RALYL: variants seen among roughly 807,000 people sequenced by gnomAD.
The protein encoded by RALYL is RNA-binding Raly-like protein.
A neutral mutation model predicts 35.1 loss-of-function variants in RALYL; 29 were observed. The observed-to-expected ratio is 0.83, with a 90% confidence interval of 0.61 to 1.13. The LOEUF (loss-of-function observed/expected upper bound fraction) is 1.13, where lower values mean the gene tolerates loss of function less well. RALYL is among the 50% of genes most tolerant of loss of function. The pLI is 0.00. For synonymous variants in RALYL, 120 were observed against 127.6 expected, an observed-to-expected ratio of 0.94 and a Z score of 0.40; for missense variants, 359 against 360.4, an observed-to-expected ratio of 1.00 and a Z score of 0.03.
chr8:84,311,262 A>G (rs913135238), intron 1 of RALYL, among the ~76,000 whole-genome samples: 6 of 151,766 alleles, frequency 4.0e-5, no homozygotes, highest in South Asian at 2.1e-4. Context: ...CATTATCACC[A>G]CTACTGTTTA....
chr8:84,340,312 C>T (rs1273762786), intron 1 of RALYL, among the ~76,000 whole-genome samples: 1 of 152,074 alleles, frequency 6.6e-6, no homozygotes, highest in East Asian at 1.9e-4. Context: ...GTAAGATCTA[C>T]TCACTTGATT....
chr8:84,646,638 C>T (rs573164613), intron 2 of RALYL, among the ~76,000 whole-genome samples: 16 of 152,118 alleles, frequency 1.1e-4, no homozygotes, highest in South Asian at 2.1e-4. Flanking sequence ...TTCAGTTCAG[C>T]CCAAATCTGT....
chr8:84,526,571 C>T (rs984307318), intron 1 of RALYL, among the ~76,000 whole-genome samples: 4 of 152,260 alleles, frequency 2.6e-5, no homozygotes, highest in South Asian at 4.2e-4. Flanking sequence ...GAAATTATAG[C>T]GTTTGCATAC....
chr8:84,408,291 C>T (rs949633064), intron 1 of RALYL, among the ~76,000 whole-genome samples: 1 of 151,500 alleles, frequency 6.6e-6, no homozygotes, highest in African/African-American at 2.4e-5. Flanking sequence ...TATTTTGATT[C>T]CTTGATTTCA....
intron 2 of RALYL, among the ~76,000 whole-genome samples, chr8:84,549,373 T>C (rs2060568859): frequency 6.6e-6 from 1 of 152,122 alleles, no homozygotes; most frequent in Admixed American, 6.5e-5. Flanking sequence ...GGTGTGATGG[T>C]TGAGGTTCAG....
intron 2 of RALYL, among the ~76,000 whole-genome samples, chr8:84,632,554 G>T (rs900612078): frequency 6.6e-6 from 1 of 151,326 alleles, no homozygotes; most frequent in African/African-American, 2.4e-5. Context: ...GTTGTCAATT[G>T]AGATATTTGG....
chr8:84,264,668 A>G (rs1264188099), intron 1 of RALYL, among the ~76,000 whole-genome samples: 3 of 152,084 alleles, frequency 2.0e-5, no homozygotes, highest in Non-Finnish European at 4.4e-5. Context: ...TTGGTTTAGT[A>G]TACTGCTGAA....
At chr8:84,573,701 A>T (rs1808611937) in intron 2 of RALYL, among the ~76,000 whole-genome samples, 1 of 151,742 alleles carries the variant, frequency 6.6e-6, no homozygotes, top group Non-Finnish European at 1.5e-5. Flanking sequence ...AGTTCCTGTC[A>T]GTTCTCACCA....
chr8:84,804,693 T>C (rs1824179967), intron 3 of RALYL, 77 bp from the exon 4 acceptor site: 1 of 680,400 alleles, frequency 1.5e-6, no homozygotes, highest in South Asian at 3.5e-5. Context: ...AATAATTTTG[T>C]CAGGTTCATG....
intron 1 of RALYL, among the ~76,000 whole-genome samples, chr8:84,250,878 G>A (rs7829286): frequency 0.39 from 59,732 of 151,948 alleles, 12,361 homozygotes; most frequent in East Asian, 0.52. Context: ...TGGCTAGAAA[G>A]TAAGTATTCT....
At chr8:84,312,657 C>T (rs1275922274) in intron 1 of RALYL, among the ~76,000 whole-genome samples, 2 of 152,230 alleles carry the variant, frequency 1.3e-5, no homozygotes, top group African/African-American at 4.8e-5. Flanking sequence ...GACCCCGTGT[C>T]TCACACCCAG....
At chr8:84,248,426 G>A (rs10102848) in intron 1 of RALYL, among the ~76,000 whole-genome samples, 70,572 of 151,912 alleles carry the variant, frequency 0.46, 16,564 homozygotes, top group East Asian at 0.53. Context: ...GTCCCTCTTA[G>A]TACACCTAAG....
intron 4 of RALYL, among the ~76,000 whole-genome samples, chr8:84,814,084 G>T (rs955775082): frequency 6.6e-6 from 1 of 152,082 alleles, no homozygotes; most frequent in Non-Finnish European, 1.5e-5. Context: ...CCAAGCTTCA[G>T]GTTCTTGTTT....
intron 2 of RALYL, among the ~76,000 whole-genome samples, chr8:84,615,162 G>A (rs761133408): frequency 2.6e-5 from 4 of 151,286 alleles, no homozygotes; most frequent in Admixed American, 6.6e-5. Context: ...AGTTTTTTAC[G>A]GAAATATTTC....
chr8:84,540,763 A>G (rs2059968088), intron 2 of RALYL, among the ~76,000 whole-genome samples: 1 of 152,068 alleles, frequency 6.6e-6, no homozygotes, highest in African/African-American at 2.4e-5. Context: ...ACATTTGGAT[A>G]ATCCATCAAT....
At chr8:84,213,760 A>G (rs777231711) in intron 1 of RALYL, among the ~76,000 whole-genome samples, 5 of 152,172 alleles carry the variant, frequency 3.3e-5, no homozygotes, top group Non-Finnish European at 5.9e-5. Flanking sequence ...ACAATGACAT[A>G]TTTATATTTC....
chr8:84,563,903 G>A (rs1362496825), intron 2 of RALYL, among the ~76,000 whole-genome samples: 1 of 151,584 alleles, frequency 6.6e-6, no homozygotes, highest in Non-Finnish European at 1.5e-5. Context: ...ATTTCAATGT[G>A]ATTTCAGGAG....
intron 2 of RALYL, among the ~76,000 whole-genome samples, chr8:84,555,689 C>T (rs1391539945): frequency 2.0e-5 from 3 of 151,978 alleles, no homozygotes; most frequent in Non-Finnish European, 4.4e-5. Context: ...TTATATTTAG[C>T]TTCTAAAATT....
intron 2 of RALYL, among the ~76,000 whole-genome samples, chr8:84,577,739 G>T (rs1400045185): frequency 2.0e-5 from 3 of 151,956 alleles, no homozygotes; most frequent in Non-Finnish European, 4.4e-5. Context: ...TCTTAAAGGG[G>T]CAGAGATTAG....
Sources: allele counts gnomAD v4.1 joint callset (sites outside exome capture counted in the v4.1 genomes callset), GRCh38; gene constraint gnomAD v4.1.1; transcripts MANE v1.5; gene names NCBI Gene and HGNC (gene_info 2026-07-23, HGNC 2026-07-21).